TLN2: variants seen among roughly 807,000 people sequenced by gnomAD.
TLN2 encodes talin-2.
TLN2 carries 118 observed loss-of-function variants against 294.7 expected under a neutral mutation model. That is an observed-to-expected ratio of 0.40 (90% CI 0.34 to 0.47). The LOEUF (loss-of-function observed/expected upper bound fraction) is 0.47. Ranked by LOEUF, TLN2 falls within the 20% of genes least tolerant of loss-of-function variation. The pLI is 0.84. For synonymous variants in TLN2, 1,431 were observed against 1,304.5 expected (o/e 1.10, Z -2.09); for missense variants, 3,083 against 3,282.2 (o/e 0.94, Z 1.48).
intron 1 of TLN2, among the ~76,000 whole-genome samples, chr15:62,531,156 A>G (rs961322727): frequency 2.6e-5 from 4 of 152,246 alleles, no homozygotes; most frequent in Non-Finnish European, 4.4e-5. Flanking sequence ...TCACAATAGC[A>G]AAGTTCTAGA....
intron 1 of TLN2, among the ~76,000 whole-genome samples, chr15:62,563,757 C>T (rs1361766451): frequency 6.6e-6 from 1 of 152,214 alleles, no homozygotes; most frequent in Admixed American, 6.5e-5. Flanking sequence ...AGTGACCTGT[C>T]ATCCTGCGAG....
chr15:62,642,189 T>G (rs2051197764), intron 3 of TLN2, among the ~76,000 whole-genome samples: 1 of 152,202 alleles, frequency 6.6e-6, no homozygotes, highest in African/African-American at 2.4e-5. Flanking sequence ...CAATGCAGGT[T>G]TTATGAATTT....
chr15:62,579,221 A>T (rs763275149), intron 1 of TLN2, among the ~76,000 whole-genome samples: 1 of 152,198 alleles, frequency 6.6e-6, no homozygotes, highest in Non-Finnish European at 1.5e-5. Flanking sequence ...CCATGTGAGG[A>T]AAGAGAAGAG....
At chr15:62,541,667 C>T (rs2041696268) in intron 1 of TLN2, among the ~76,000 whole-genome samples, 1 of 152,034 alleles carries the variant, frequency 6.6e-6, no homozygotes, top group Non-Finnish European at 1.5e-5. Context: ...GACGGCACAC[C>T]TGACAATATC....
Position 62,835,658 on chromosome 15 carries a change from G to A in TLN2, c.7129-79G>A, listed in dbSNP as rs974019297. 3.2e-5 allele frequency: 49 copies of A among 1,534,688 alleles called. No homozygotes were observed. In the East Asian group the frequency reaches 7.2e-4, roughly 23 times the overall value. On this transcript the variant is annotated intron_variant, in intron 55 of 58. Transcript: ENST00000636159. ...CAAGCGGGGTACAAGTCTGGTTCCC[G>A]AGCAAGGTCTGGGGATGAGGGGCTG... is the stretch of plus-strand genomic sequence containing the variant.
chr15:62,538,155 A>G (rs2041469469), intron 1 of TLN2, among the ~76,000 whole-genome samples: 1 of 152,184 alleles, frequency 6.6e-6, no homozygotes, highest in Non-Finnish European at 1.5e-5. Flanking sequence ...CAGGAGGCAG[A>G]GGTTGCAGTG....
chr15:62,617,356 T>G (rs1031701877), intron 2 of TLN2, among the ~76,000 whole-genome samples: 1 of 152,178 alleles, frequency 6.6e-6, no homozygotes, highest in Non-Finnish European at 1.5e-5. Flanking sequence ...AACCATTCCT[T>G]GGATTCCTTG....
At chr15:62,466,689 T>C (rs1383025149) in intron 1 of TLN2, among the ~76,000 whole-genome samples, 1 of 152,258 alleles carries the variant, frequency 6.6e-6, no homozygotes, top group African/African-American at 2.4e-5. Flanking sequence ...ACTGTAGCCC[T>C]TCCAGTAGGT....
At chr15:62,539,716 A>G (rs1036116040) in intron 1 of TLN2, among the ~76,000 whole-genome samples, 2 of 152,138 alleles carry the variant, frequency 1.3e-5, no homozygotes, top group Non-Finnish European at 2.9e-5. Context: ...TTGAGCATCT[A>G]CCTGGCATGA....
At position 62,694,277 on chromosome 15, in the gene TLN2, T is replaced by C. The variant is rs771168694; in HGVS notation, c.1216-39T>C. On this transcript the variant is annotated intron_variant, in intron 13 of 58. Coordinates refer to ENST00000636159, the MANE Select transcript of TLN2 (RefSeq NM_015059.3). ...GAGGCGTGAGCCACCGCGCGTGGCC[T>C]GGTTTTCATTTTTGCATCTTGTTTT... 6 of 1,607,766 alleles carry C rather than the reference T, an allele frequency of 3.7e-6. No individual in the cohort carries two copies. The South Asian group carries it at 6.6e-5, about 18-fold the overall frequency.
At chr15:62,744,418 T>G (rs1204854885) in intron 32 of TLN2, among the ~76,000 whole-genome samples, 1 of 150,768 alleles carries the variant, frequency 6.6e-6, no homozygotes, top group African/African-American at 2.4e-5. Flanking sequence ...TTTTTTTTTT[T>G]TTTTTTTTAA....
intron 36 of TLN2, chr15:62,755,304 C>T (rs979418296): frequency 7.9e-6 from 4 of 508,522 alleles, no homozygotes; most frequent in East Asian, 3.7e-5. Flanking sequence ...GCCTATCCCA[C>T]CACTATGTCA....
intron 1 of TLN2, among the ~76,000 whole-genome samples, chr15:62,400,209 C>A (rs1222409721): frequency 6.6e-6 from 1 of 152,154 alleles, no homozygotes; most frequent in Non-Finnish European, 1.5e-5. Flanking sequence ...TCCCCTTCTG[C>A]CATTATTGTA....
At chr15:62,834,279 A>G (rs1354152042) in intron 55 of TLN2, 10 of 152,216 alleles carry the variant, frequency 6.6e-5, no homozygotes, top group Admixed American at 6.5e-4. Flanking sequence ...TGTTATTTAC[A>G]TACACATGGA....
At chr15:62,662,336 G>C (rs754154580) in intron 9 of TLN2, among the ~76,000 whole-genome samples, 34 of 152,066 alleles carry the variant, frequency 2.2e-4, no homozygotes, top group Admixed American at 3.3e-4. Flanking sequence ...AAATATACCA[G>C]TCAAAAAACA....
At position 62,763,644 on chromosome 15, in the gene TLN2, G is replaced by A. The variant is rs755561842; in HGVS notation, c.5043G>A (p.Ser1681=). ...NRCIRDIEQA[S]LAAVSQSLAT... is the part of the protein sequence containing the mutation. ...GCATCCGGGACATCGAGCAGGCCTC[G>A]CTGGCCGCCGTCAGCCAGAGCCTGG... The change falls in exon 40 of 59, where the codon TCG becomes TCA. Residue 1681 remains serine (S), a synonymous_variant. Transcript: ENST00000636159. The A allele has an allele frequency of 2.7e-5, 43 of 1,612,854 alleles. No homozygotes were observed. Among genetic ancestry groups the A allele is most frequent in the Middle Eastern group, 1.6e-4 (1 of 6,084 alleles).
At position 62,593,722 on chromosome 15, in the gene TLN2, T is replaced by C. The variant is rs2046264510; in HGVS notation, c.-162+3960T>C. On this transcript the variant is annotated intron_variant, in intron 2 of 58. Transcript: ENST00000636159. ...TCTAAAATGGCCATTAAAGCCATTCTATTCTGTTTACAACAAATCAGAATT... is the reference window on the plus strand; with the variant it reads ...TCTAAAATGGCCATTAAAGCCATTCCATTCTGTTTACAACAAATCAGAATT... 2.6e-5 allele frequency among the ~76,000 whole-genome samples: 4 copies of C among 152,260 alleles called. No homozygotes were observed. In the South Asian group the frequency reaches 8.3e-4, roughly 32 times the overall value.
chr15:62,474,474 AAATAAAAT>A (rs1348378496), intron 1 of TLN2, among the ~76,000 whole-genome samples: 2 of 151,894 alleles, frequency 1.3e-5, no homozygotes, highest in Non-Finnish European at 2.9e-5. Flanking sequence ...TCTCTACAAA[AAATAAAAT>A]AATAAAATAA....
rs2068015116 is a variant in TLN2, at chr15:62,825,764, TATATATTATA to T, written c.7002+5155_7002+5164del. ...TATATATATTAAATATAATTATAAT[TATATATTATA>T]TAATATATTATATATTATAATATAT... On this transcript the variant is annotated intron_variant, in intron 54 of 58. Coordinates refer to ENST00000636159, the MANE Select transcript of TLN2 (RefSeq NM_015059.3). Among the ~76,000 whole-genome samples the T allele has an allele frequency of 4.2e-5, 3 of 71,514 alleles. 1 individual carries two copies. The highest frequency in any genetic ancestry group is 2.6e-4 in the African/African-American group (3 of 11,450). 46.9% of individuals were successfully genotyped at this position (71,514 alleles called of 152,430 possible).
Sources: gnomAD v4.1 joint callset for allele counts (sites outside exome capture counted in the v4.1 genomes callset) on GRCh38, gnomAD v4.1.1 for gene constraint, MANE v1.5 for transcripts, NCBI Gene and HGNC (gene_info 2026-07-23, HGNC 2026-07-21) for gene names.